Variants in SRD5A1 observed in about 807,000 individuals in gnomAD.
SRD5A1 encodes the protein steroid 5 alpha-reductase 1.
In SRD5A1, 22 loss-of-function variants were observed where a neutral mutation model predicts 28.2. The ratio of observed to expected loss-of-function variants is 0.78; its 90% CI spans 0.56 to 1.12. The LOEUF (loss-of-function observed/expected upper bound fraction) is 1.12. SRD5A1 is among the 50% of genes most tolerant of loss of function. The pLI is 0.00. For missense variants in SRD5A1, 300 were observed against 346.7 expected, an observed-to-expected ratio of 0.87 and a Z score of 1.07; for synonymous variants, 151 against 135.0, an observed-to-expected ratio of 1.12 and a Z score of -0.82.
At position 6,673,124 on chromosome 5, in the gene SRD5A1, T is replaced by C. The variant is rs1344481474; in HGVS notation, c.*4856T>C. ...TTTTAGCACCGATTGTTCTGTCTAA[T>C]TTGAAAGGATCCAAAAAAGGAAATG... On this transcript the variant is annotated 3_prime_UTR_variant, in exon 5 of 5. Coordinates refer to ENST00000274192, the MANE Select transcript of SRD5A1 (RefSeq NM_001047.4). The C allele has an allele frequency of 1.3e-5, 2 of 152,230 alleles. No individual in the cohort carries two copies. Among genetic ancestry groups the C allele is most frequent in the African/African-American group, 2.4e-5 (1 of 41,464 alleles). The allele number at this position is 152,230 out of a possible 1,614,324, so 9.4% of individuals were successfully genotyped here.
At chr5:6,640,345 A>G (rs1046259214) in intron 1 of SRD5A1, among the ~76,000 whole-genome samples, 2 of 152,248 alleles carry the variant, frequency 1.3e-5, no homozygotes, top group African/African-American at 4.8e-5. Context: ...CTAAGCTTGT[A>G]AACTTAACCA....
chr5:6,651,902 A>G lies in SRD5A1; in HGVS notation c.354A>G (p.Thr118=), dbSNP rs1197642051. ...AGCCTATGCCACTGTTGGCGTGTAC[A>G]ATGGCGATTATGTTCTGTACCTGTA... ...GGKPMPLLAC[T]MAIMFCTCNG... The change falls in exon 2 of 5, where the codon ACA becomes ACG. Residue 118 remains threonine, a synonymous_variant. Coordinates refer to ENST00000274192, the MANE Select transcript of SRD5A1 (RefSeq NM_001047.4). The G allele has an allele frequency of 1.2e-6, 2 of 1,613,816 alleles. No individual in the cohort carries two copies. Among genetic ancestry groups the G allele is most frequent in the African/African-American group, 1.3e-5 (1 of 74,928 alleles).
intron 1 of SRD5A1, among the ~76,000 whole-genome samples, chr5:6,651,638 C>G (rs1049696977): frequency 3.9e-5 from 6 of 152,056 alleles, no homozygotes; most frequent in African/African-American, 1.4e-4. Flanking sequence ...GCAGCCTGGG[C>G]AACACAGCAA....
chr5:6,648,937 T>C (rs1738586111), intron 1 of SRD5A1, among the ~76,000 whole-genome samples: 1 of 151,798 alleles, frequency 6.6e-6, no homozygotes, highest in Admixed American at 6.6e-5. Flanking sequence ...GCGATATCGA[T>C]ACTATTTTTT....
chr5:6,654,959 A>G (rs577216525), intron 2 of SRD5A1, among the ~76,000 whole-genome samples: 3 of 152,312 alleles, frequency 2.0e-5, no homozygotes, highest in South Asian at 4.1e-4. Flanking sequence ...CTATAAATGT[A>G]TGGATCCAAT....
chr5:6,667,887 G>A (rs1018822545), intron 4 of SRD5A1, among the ~76,000 whole-genome samples: 1 of 152,200 alleles, frequency 6.6e-6, no homozygotes, highest in Non-Finnish European at 1.5e-5. Context: ...CAGCCTGCAT[G>A]CTTTCCCCGG....
rs775567208 is a variant in SRD5A1, at chr5:6,651,854, C to G, written c.306C>G (p.Tyr102Ter). 6.2e-6 allele frequency: 10 copies of G among 1,608,796 alleles called. No homozygotes were observed. Among genetic ancestry groups the G allele is most frequent in the Non-Finnish European group, 8.5e-6 (10 of 1,177,116 alleles). The part of the protein sequence containing the change: ...LVHYGHRCLI[Y>*]PFLMRGGKPM... ...CTTGTTTCCTAAGGTGCTTAATTTACCCATTTCTGATGCGAGGAGGAAAGC... is the reference window on the plus strand; with the variant it reads ...CTTGTTTCCTAAGGTGCTTAATTTAGCCATTTCTGATGCGAGGAGGAAAGC... The change falls in exon 2 of 5, where the codon TAC becomes TAG. Residue 102 changes from tyrosine (Y) to a stop codon, truncating the protein, a stop_gained. Coordinates refer to ENST00000274192, the MANE Select transcript of SRD5A1 (RefSeq NM_001047.4). LOFTEE classifies it high-confidence loss of function.
intron 1 of SRD5A1, among the ~76,000 whole-genome samples, chr5:6,639,574 C>G (rs1415013622): frequency 6.6e-6 from 1 of 152,218 alleles, no homozygotes; most frequent in Admixed American, 6.5e-5. Context: ...TTTCAATAAT[C>G]CATTTTTCTT....
intron 2 of SRD5A1, among the ~76,000 whole-genome samples, chr5:6,654,258 T>C (rs1430456090): frequency 6.6e-6 from 1 of 151,966 alleles, no homozygotes; most frequent in Non-Finnish European, 1.5e-5. Flanking sequence ...GGTTTCATCA[T>C]GTTGGCCAGA....
intron 1 of SRD5A1, 103 bp downstream of exon 1, chr5:6,633,972 C>T (rs2126519476): frequency 1.6e-6 from 2 of 1,266,228 alleles, no homozygotes; most frequent in South Asian, 1.3e-5. Flanking sequence ...CTCCCCCACC[C>T]AGATGCCCTC....
At chr5:6,665,242 C>T (rs1045160381) in intron 4 of SRD5A1, among the ~76,000 whole-genome samples, 2 of 152,196 alleles carry the variant, frequency 1.3e-5, no homozygotes, top group African/African-American at 2.4e-5. Flanking sequence ...CTTCCCTGAA[C>T]CTTCAGAGGG....
rs1739255811 is a variant in SRD5A1, at chr5:6,668,405, T to C, written c.*137T>C. Reference sequence around the variant, plus strand: ...AGATGTCCTCTAGGAATTTTTTTTCTAGTAATTTTGCAATCTACCTAATAA... The same window carrying C: ...AGATGTCCTCTAGGAATTTTTTTTCCAGTAATTTTGCAATCTACCTAATAA... On this transcript the variant is annotated 3_prime_UTR_variant, in exon 5 of 5. Transcript: ENST00000274192. 5.4e-6 allele frequency: 3 copies of C among 554,436 alleles called. No individual in the cohort carries two copies. Among genetic ancestry groups the C allele is most frequent in the Non-Finnish European group, 9.2e-6 (3 of 327,668 alleles). The allele number at this position is 554,436 out of a possible 1,614,324, so 34.3% of individuals were successfully genotyped here.
In SRD5A1 at chr5:6,663,355, C is replaced by T. The variant is rs964510137; in HGVS notation, c.713+389C>T. 6.6e-5 allele frequency among the ~76,000 whole-genome samples: 10 copies of T among 152,372 alleles called. No individual in the cohort carries two copies. In the East Asian group the frequency reaches 1.7e-3, roughly 26 times the overall value. On this transcript the variant is annotated intron_variant, in intron 4 of 4. Coordinates refer to ENST00000274192, the MANE Select transcript of SRD5A1 (RefSeq NM_001047.4). Reference sequence around the variant, plus strand: ...GGAAGTCCTGAAGAGGTAGGTGAATCTCAGAGCCCAGCGACACTGGCAGAA... The same window carrying T: ...GGAAGTCCTGAAGAGGTAGGTGAATTTCAGAGCCCAGCGACACTGGCAGAA...
At chr5:6,666,416 G>A (rs1739181949) in intron 4 of SRD5A1, among the ~76,000 whole-genome samples, 2 of 152,126 alleles carry the variant, frequency 1.3e-5, no homozygotes, top group Non-Finnish European at 2.9e-5. Flanking sequence ...CCAAAGCACT[G>A]GAATTACAGG....
intron 2 of SRD5A1, 48 bp downstream of exon 2, chr5:6,652,056 T>C: frequency 6.5e-7 from 1 of 1,546,758 alleles, no homozygotes; most frequent in South Asian, 1.2e-5. Context: ...TCATTGCTTT[T>C]ATATTGATGT....
At chr5:6,643,501 C>T (rs1283015740) in intron 1 of SRD5A1, among the ~76,000 whole-genome samples, 2 of 152,128 alleles carry the variant, frequency 1.3e-5, no homozygotes, top group Non-Finnish European at 2.9e-5. Flanking sequence ...GAGGGGGTTT[C>T]GCCATGTTGC....
chr5:6,654,065 T>G (rs199976873), intron 2 of SRD5A1, among the ~76,000 whole-genome samples: 4 of 152,076 alleles, frequency 2.6e-5, no homozygotes, highest in African/African-American at 9.7e-5. Context: ...TAATATATTT[T>G]TTTTTTTGAG....
rs1739253222 is a variant in SRD5A1 at position 6,668,332 on chromosome 5, GT to G, written c.*65del. 9.2e-6 allele frequency: 9 copies of G among 980,042 alleles called. No individual in the cohort carries two copies. The South Asian group carries it at 1.4e-4, about 15-fold the overall frequency. The allele number at this position is 980,042 out of a possible 1,614,324, so 60.7% of individuals were successfully genotyped here. ...CCAATGGCGCTTCTCTATGGACTTT[GT>G]AAATAAGTTATATCTTTGTAATTTT... On this transcript the variant is annotated 3_prime_UTR_variant, in exon 5 of 5. Coordinates refer to ENST00000274192, the MANE Select transcript of SRD5A1 (RefSeq NM_001047.4).
intron 2 of SRD5A1, among the ~76,000 whole-genome samples, chr5:6,655,109 C>G (rs979272558): frequency 6.6e-6 from 1 of 152,168 alleles, no homozygotes; most frequent in African/African-American, 2.4e-5. Flanking sequence ...TTTCCATGTC[C>G]TTTTTCTAAC....
Sources: allele counts gnomAD v4.1 joint callset (sites outside exome capture counted in the v4.1 genomes callset), GRCh38; gene constraint gnomAD v4.1.1; transcripts MANE v1.5; gene names NCBI Gene and HGNC (gene_info 2026-07-23, HGNC 2026-07-21).